ANO10: variants seen among roughly 807,000 people sequenced by gnomAD.
ANO10 encodes anoctamin 10.
ANO10 carries 77 observed loss-of-function variants against 74.7 expected under a neutral mutation model. The observed-to-expected ratio is 1.03, with a 90% confidence interval of 0.86 to 1.25. The LOEUF is 1.25. ANO10 is among the 50% of genes most tolerant of loss of function. The pLI, the probability that ANO10 is intolerant of heterozygous loss-of-function variation, is 0.00. For synonymous variants in ANO10, 279 were observed against 284.9 expected (o/e 0.98, Z 0.21); for missense variants, 721 against 778.1 (o/e 0.93, Z 0.87).
chr3:43,609,398 T>C (rs1392147083), intron 1 of ANO10, among the ~76,000 whole-genome samples: 1 of 152,058 alleles, frequency 6.6e-6, no homozygotes, highest in African/African-American at 2.4e-5. Context: ...ATAAAACAAG[T>C]AAAACAGTGC....
intron 12 of ANO10, among the ~76,000 whole-genome samples, chr3:43,418,264 G>C (rs912628393): frequency 2.6e-5 from 4 of 152,192 alleles, no homozygotes; most frequent in African/African-American, 7.2e-5. Context: ...GTGACAGGGC[G>C]AGACTGTCTC....
chr3:43,687,473 C>A (rs1211337273), intron 1 of ANO10, among the ~76,000 whole-genome samples: 2 of 152,044 alleles, frequency 1.3e-5, no homozygotes, highest in East Asian at 3.9e-4. Flanking sequence ...CAACCTGAAA[C>A]CCAGTGGGGC....
At chr3:43,470,783 C>G (rs2075826383) in intron 11 of ANO10, among the ~76,000 whole-genome samples, 1 of 151,918 alleles carries the variant, frequency 6.6e-6, no homozygotes, top group African/African-American at 2.4e-5. Flanking sequence ...CATCTCACCA[C>G]ACACACAGCT....
At chr3:43,566,361 G>A (rs1397380991) in intron 7 of ANO10, among the ~76,000 whole-genome samples, 2 of 152,230 alleles carry the variant, frequency 1.3e-5, no homozygotes, top group African/African-American at 4.8e-5. Flanking sequence ...GCCTGCCTCT[G>A]TAGGCTCCAC....
At chr3:43,568,542 C>T (rs576575797) in intron 7 of ANO10, among the ~76,000 whole-genome samples, 72 of 148,072 alleles carry the variant, frequency 4.9e-4, no homozygotes, top group Middle Eastern at 3.5e-3. Flanking sequence ...CACTCAAAAC[C>T]GCTCAACTAC....
intron 7 of ANO10, among the ~76,000 whole-genome samples, chr3:43,574,306 T>C (rs1350579083): frequency 1.3e-5 from 2 of 150,846 alleles, no homozygotes; most frequent in African/African-American, 4.9e-5. Context: ...AGTCTCGCTC[T>C]GTCACCCAAG....
chr3:43,684,106 C>T (rs1480922464), intron 1 of ANO10, among the ~76,000 whole-genome samples: 2 of 151,870 alleles, frequency 1.3e-5, no homozygotes, highest in African/African-American at 2.4e-5. Flanking sequence ...AAAGAGCTTC[C>T]ACACAGCAAA....
intron 4 of ANO10, among the ~76,000 whole-genome samples, chr3:43,596,883 C>T (rs558978495): frequency 1.3e-5 from 2 of 152,260 alleles, no homozygotes; most frequent in South Asian, 4.1e-4. Context: ...GGGCTAATAT[C>T]CAGAATCTAC....
chr3:43,448,054 T>G (rs1244334237), intron 11 of ANO10, among the ~76,000 whole-genome samples: 1 of 152,184 alleles, frequency 6.6e-6, no homozygotes, highest in Non-Finnish European at 1.5e-5. Flanking sequence ...AATGATGGGA[T>G]AGTGCCCAGA....
intron 11 of ANO10, among the ~76,000 whole-genome samples, chr3:43,441,696 T>C (rs2093162785): frequency 1.3e-5 from 2 of 151,920 alleles, no homozygotes; most frequent in Non-Finnish European, 2.9e-5. Flanking sequence ...ACCAAAGACA[T>C]AATTTAAAAA....
At chr3:43,579,511 A>G (rs1041023176) in intron 5 of ANO10, among the ~76,000 whole-genome samples, 2 of 152,152 alleles carry the variant, frequency 1.3e-5, no homozygotes, top group African/African-American at 4.8e-5. Context: ...TAAGGTCAGG[A>G]GTTCGAAACT....
chr3:43,642,918 C>G (rs2083685478), intron 1 of ANO10, among the ~76,000 whole-genome samples: 1 of 151,882 alleles, frequency 6.6e-6, no homozygotes, highest in Non-Finnish European at 1.5e-5. Flanking sequence ...TACAGCCTCT[C>G]TTGTTGGTGG....
At chr3:43,499,305 T>G (rs1329982811) in intron 11 of ANO10, among the ~76,000 whole-genome samples, 1 of 152,112 alleles carries the variant, frequency 6.6e-6, no homozygotes, top group East Asian at 1.9e-4. Flanking sequence ...ATATAAAACA[T>G]TTCCACAGCC....
chr3:43,608,693 C>T (rs1267249989), intron 1 of ANO10, among the ~76,000 whole-genome samples: 1 of 152,078 alleles, frequency 6.6e-6, no homozygotes, highest in Non-Finnish European at 1.5e-5. Context: ...GCAATCCTCC[C>T]ACTTCAACCT....
At chr3:43,490,099 A>T (rs1345506609) in intron 11 of ANO10, among the ~76,000 whole-genome samples, 2 of 152,228 alleles carry the variant, frequency 1.3e-5, no homozygotes. Flanking sequence ...TACATGGATG[A>T]TGGAAAAACA....
chr3:43,374,482 G>T (rs72863647), intron 12 of ANO10, among the ~76,000 whole-genome samples: 5 of 152,122 alleles, frequency 3.3e-5, no homozygotes, highest in Admixed American at 2.0e-4. Context: ...AGCCCAGGCC[G>T]TCTGGCTCCA....
At chr3:43,550,847 C>T (rs1464606956) in intron 10 of ANO10, among the ~76,000 whole-genome samples, 1 of 152,114 alleles carries the variant, frequency 6.6e-6, no homozygotes, top group African/African-American at 2.4e-5. Context: ...TCTTCCACTT[C>T]GCAGCTCCCA....
intron 11 of ANO10, among the ~76,000 whole-genome samples, chr3:43,547,045 C>T (rs1386638865): frequency 1.3e-5 from 2 of 151,842 alleles, no homozygotes; most frequent in East Asian, 1.9e-4. Flanking sequence ...TTAAAAGCAG[C>T]CAGAGAAAAA....
intron 12 of ANO10, among the ~76,000 whole-genome samples, chr3:43,399,616 G>A (rs2092443440): frequency 6.6e-6 from 1 of 152,172 alleles, no homozygotes; most frequent in Admixed American, 6.5e-5. Context: ...CTCTGTCTTT[G>A]TCCCATCTCT....
Sources: allele counts gnomAD v4.1 joint callset (sites outside exome capture counted in the v4.1 genomes callset), GRCh38; gene constraint gnomAD v4.1.1; transcripts MANE v1.5; gene names NCBI Gene and HGNC (gene_info 2026-07-23, HGNC 2026-07-21).